The following PTTG1IP variants were observed in gnomAD, a reference collection of about 807,000 sequenced individuals.
The protein encoded by PTTG1IP is pituitary tumor-transforming gene 1 protein-interacting protein.
A neutral mutation model predicts 24.4 loss-of-function variants in PTTG1IP; 16 were observed. The observed-to-expected ratio is 0.66, with a 90% CI of 0.44 to 1.00. The LOEUF (loss-of-function observed/expected upper bound fraction) is 1.00. Among genes scored for constraint, PTTG1IP ranks in the 50% least tolerant of loss-of-function variants. The pLI is 0.00. For synonymous variants in PTTG1IP, 89 were observed against 96.8 expected, an observed-to-expected ratio of 0.92 and a Z score of 0.47; for missense variants, 241 against 245.8, an observed-to-expected ratio of 0.98 and a Z score of 0.13.
chr21:44,863,345 A>AG (rs56198898), intron 2 of PTTG1IP, among the ~76,000 whole-genome samples: 75,652 of 114,376 alleles, frequency 0.66, 26,797 homozygotes, highest in East Asian at 0.81. Context: ...TCCAACACGC[A>AG]GGTCCTCTTG....
At chr21:44,872,696 T>C (rs1601262086) in intron 1 of PTTG1IP, among the ~76,000 whole-genome samples, 1 of 152,236 alleles carries the variant, frequency 6.6e-6, no homozygotes, top group Non-Finnish European at 1.5e-5. Flanking sequence ...CTGAGTCTCC[T>C]GTCATGCACT....
At chr21:44,855,373 C>G in intron 4 of PTTG1IP, 117 bp from the exon 5 acceptor site, 1 of 1,080,812 alleles carries the variant, frequency 9.3e-7, no homozygotes, top group South Asian at 1.3e-5. Flanking sequence ...TGGCTTCCCT[C>G]CAGTTCCCAG....
chr21:44,867,852 C>T (rs142460595), intron 1 of PTTG1IP, among the ~76,000 whole-genome samples: 4 of 152,214 alleles, frequency 2.6e-5, no homozygotes, highest in Admixed American at 6.5e-5. Flanking sequence ...TCACTCATTA[C>T]GTTTACCAAA....
At chr21:44,859,926 T>C (rs1483048567) in intron 3 of PTTG1IP, among the ~76,000 whole-genome samples, 1 of 152,138 alleles carries the variant, frequency 6.6e-6, no homozygotes, top group Admixed American at 6.5e-5. Context: ...ACAAAAAGAA[T>C]CATCAAAACA....
chr21:44,873,467 C>T (rs1362936981), intron 1 of PTTG1IP, 35 bp downstream of exon 1: 20 of 1,348,870 alleles, frequency 1.5e-5, no homozygotes, highest in South Asian at 1.8e-5. Context: ...GCCGCCCCGC[C>T]CCCTTCGCGG....
intron 2 of PTTG1IP, among the ~76,000 whole-genome samples, chr21:44,865,009 G>A (rs1027032724): frequency 2.6e-5 from 4 of 152,188 alleles, no homozygotes; most frequent in African/African-American, 9.7e-5. Flanking sequence ...AATCCTGTGT[G>A]AGCAGCTGAG....
chr21:44,867,745 T>A (rs374147481), intron 1 of PTTG1IP, among the ~76,000 whole-genome samples: 1 of 152,192 alleles, frequency 6.6e-6, no homozygotes, highest in African/African-American at 2.4e-5. Flanking sequence ...GTGGCGGGTA[T>A]ACAAGCGCGC....
chr21:44,866,705 A>ACACC (rs1491477299), intron 1 of PTTG1IP, among the ~76,000 whole-genome samples: 2 of 151,616 alleles, frequency 1.3e-5, no homozygotes, highest in African/African-American at 2.4e-5. Flanking sequence ...ACACACACAC[A>ACACC]AACACAGTGC....
chr21:44,860,262 A>G (rs957547054), intron 3 of PTTG1IP, among the ~76,000 whole-genome samples: 2 of 152,106 alleles, frequency 1.3e-5, no homozygotes, highest in African/African-American at 2.4e-5. Flanking sequence ...CCAGCTACTC[A>G]GGAGGCTGAG....
rs761462123 is a variant in PTTG1IP, at chr21:44,849,673, A to G, written c.*1908T>C. ...AGCTTTATGGTTTCCTTGAGGTTAC[A>G]GTTTTGTGGCTGCTCTTAGTGTATT... On this transcript the variant is annotated 3_prime_UTR_variant, in exon 6 of 6. Transcript: ENST00000330938. The G allele has an allele frequency of 2.0e-5, 3 of 152,642 alleles. No individual in the cohort carries two copies. The highest frequency in any genetic ancestry group is 7.2e-5 in the African/African-American group (3 of 41,460). The allele number at this position is 152,642 out of a possible 1,614,324, so 9.5% of individuals were successfully genotyped here. A position where few individuals can be genotyped will look rare whatever the true frequency, so the allele number is the denominator to read the frequency against.
At chr21:44,868,371 G>C (rs367646310) in intron 1 of PTTG1IP, among the ~76,000 whole-genome samples, 2 of 152,188 alleles carry the variant, frequency 1.3e-5, no homozygotes, top group East Asian at 1.9e-4. Flanking sequence ...GGCCTAGAAA[G>C]GACAACACCC....
At chr21:44,871,978 C>A (rs2083590110) in intron 1 of PTTG1IP, among the ~76,000 whole-genome samples, 1 of 152,188 alleles carries the variant, frequency 6.6e-6, no homozygotes, top group Admixed American at 6.5e-5. Context: ...ACTGTCCACT[C>A]CACTCGTCCA....
At chr21:44,859,043 C>T (rs2083470326) in intron 3 of PTTG1IP, among the ~76,000 whole-genome samples, 1 of 152,240 alleles carries the variant, frequency 6.6e-6, no homozygotes, top group Admixed American at 6.5e-5. Flanking sequence ...CCTGTGCCGG[C>T]ACCAACACAA....
At chr21:44,861,972 G>A (rs1476521688) in intron 2 of PTTG1IP, 53 of 652,288 alleles carry the variant, frequency 8.1e-5, no homozygotes, top group Non-Finnish European at 1.2e-4. Flanking sequence ...CTACGGCTCA[G>A]CCCGCCCTAA....
At chr21:44,852,123 CAGG>C in intron 5 of PTTG1IP, among the ~76,000 whole-genome samples, 1 of 152,240 alleles carries the variant, frequency 6.6e-6, no homozygotes, top group Middle Eastern at 3.4e-3. Flanking sequence ...ACCCAAAGAC[CAGG>C]AGTTTTCCCT....
At position 44,855,194 on chromosome 21, in the gene PTTG1IP, C is replaced by T. The variant is rs746604679; in HGVS notation, c.496+16G>A. On this transcript the variant is annotated intron_variant, in intron 5 of 5. Transcript: ENST00000330938. ...GCCTCCCAACCAGACAAAAAGGAGG[C>T]GTGACCAGTCCTTACCATATTTTTT... 11 of 1,603,286 alleles carry T rather than the reference C, an allele frequency of 6.9e-6. No individual in the cohort carries two copies. Among genetic ancestry groups the T allele is most frequent in the African/African-American group, 1.3e-5 (1 of 74,666 alleles).
At chr21:44,866,944 C>T (rs1344319212) in intron 1 of PTTG1IP, among the ~76,000 whole-genome samples, 6 of 152,206 alleles carry the variant, frequency 3.9e-5, no homozygotes, top group Non-Finnish European at 8.8e-5. Flanking sequence ...AACAAACATG[C>T]GACCACCTAT....
At chr21:44,873,202 G>A (rs1028471535) in intron 1 of PTTG1IP, among the ~76,000 whole-genome samples, 1 of 152,240 alleles carries the variant, frequency 6.6e-6, no homozygotes, top group African/African-American at 2.4e-5. Flanking sequence ...CAAGCGTCCC[G>A]CCTGCCGGGC....
intron 1 of PTTG1IP, among the ~76,000 whole-genome samples, chr21:44,870,927 G>A (rs1396993648): frequency 3.3e-5 from 5 of 152,218 alleles, no homozygotes; most frequent in African/African-American, 9.6e-5. Context: ...AAGGACAAAG[G>A]AACACACCAG....
Sources: gnomAD v4.1 joint callset for allele counts (sites outside exome capture counted in the v4.1 genomes callset) on GRCh38, gnomAD v4.1.1 for gene constraint, MANE v1.5 for transcripts, NCBI Gene and HGNC (gene_info 2026-07-23, HGNC 2026-07-21) for gene names.